Variants in FYB2 observed in about 807,000 individuals in gnomAD.
FYB2 encodes the protein FYN-binding protein 2.
Under a neutral mutation model 94.1 loss-of-function variants are expected in FYB2, and 103 were observed. The ratio of observed to expected loss-of-function variants is 1.09; its 90% CI spans 0.93 to 1.29. The LOEUF (loss-of-function observed/expected upper bound fraction) is 1.29, where lower values mean the gene tolerates loss of function less well. Among genes scored for constraint, FYB2 ranks in the 50% most tolerant of loss-of-function variants. The pLI, the probability that FYB2 is intolerant of heterozygous loss-of-function variation, is 0.00. For synonymous variants in FYB2, 293 were observed against 287.9 expected (o/e 1.02, Z -0.18); for missense variants, 896 against 841.5 (o/e 1.06, Z -0.80).
intron 2 of FYB2, among the ~76,000 whole-genome samples, chr1:56,789,975 T>C (rs2100958750): frequency 6.6e-6 from 1 of 152,340 alleles, no homozygotes; most frequent in Non-Finnish European, 1.5e-5. Context: ...ACCTGTGTCC[T>C]GGAATTTTCC....
chr1:56,776,662 G>A (rs1433056742), intron 4 of FYB2, among the ~76,000 whole-genome samples: 1 of 152,074 alleles, frequency 6.6e-6, no homozygotes, highest in Non-Finnish European at 1.5e-5. Context: ...ACTAACATCT[G>A]ACCCCATTTA....
chr1:56,820,450 G>A (rs551689826), upstream of FYB2, among the ~76,000 whole-genome samples: 4 of 152,326 alleles, frequency 2.6e-5, no homozygotes, highest in East Asian at 3.9e-4. Flanking sequence ...CAGCTCTCCC[G>A]GGGTTGGGGA....
intron 15 of FYB2, among the ~76,000 whole-genome samples, chr1:56,729,049 A>G (rs1644645891): frequency 6.6e-6 from 1 of 152,134 alleles, no homozygotes; most frequent in South Asian, 2.1e-4. Flanking sequence ...ACACAGGAAT[A>G]GTGGGTAAGC....
intron 4 of FYB2, among the ~76,000 whole-genome samples, chr1:56,778,725 C>T (rs141746887): frequency 1.3e-3 from 199 of 152,152 alleles, no homozygotes; most frequent in Non-Finnish European, 2.6e-3. Context: ...TATGAAATAG[C>T]GTCTTGGGTG....
chr1:56,817,353 T>C (rs1570270712), intron 1 of FYB2, among the ~76,000 whole-genome samples: 1 of 152,340 alleles, frequency 6.6e-6, no homozygotes. Flanking sequence ...TCCTATACCT[T>C]TTCCAAGTTT....
At chr1:56,808,116 A>G (rs367831697) in intron 1 of FYB2, among the ~76,000 whole-genome samples, 4 of 152,280 alleles carry the variant, frequency 2.6e-5, no homozygotes, top group Admixed American at 6.5e-5. Flanking sequence ...ACACTGGGTT[A>G]GGCCCTTTTC....
intron 4 of FYB2, among the ~76,000 whole-genome samples, chr1:56,768,439 C>G (rs1386880562): frequency 6.6e-6 from 1 of 152,196 alleles, no homozygotes; most frequent in Non-Finnish European, 1.5e-5. Flanking sequence ...TCCGTCCACT[C>G]TCCCAGGGAA....
chr1:56,808,039 G>T (rs1247138210), intron 1 of FYB2, among the ~76,000 whole-genome samples: 1 of 152,064 alleles, frequency 6.6e-6, no homozygotes, highest in African/African-American at 2.4e-5. Flanking sequence ...TTGCATTGTT[G>T]TCAAGAGGTA....
intron 1 of FYB2, among the ~76,000 whole-genome samples, chr1:56,808,596 G>A (rs967062704): frequency 1.3e-5 from 2 of 152,170 alleles, no homozygotes; most frequent in African/African-American, 4.8e-5. Flanking sequence ...CACCTTGGGA[G>A]GTTGCCAGCT....
In FYB2 at chr1:56,758,699, G is replaced by T. The variant is rs1409914797; in HGVS notation, c.1098+17C>A. On this transcript the variant is annotated intron_variant, in intron 6 of 19. Coordinates refer to ENST00000343433, the MANE Select transcript of FYB2 (RefSeq NM_001004303.5). Reference sequence around the variant, plus strand: ...TATTTTACTTTTAGTTACAATGTTGGTAAGGAGAAACAATACCTTTTGGAG... The same window carrying T: ...TATTTTACTTTTAGTTACAATGTTGTTAAGGAGAAACAATACCTTTTGGAG... 25 of 1,573,548 alleles carry T rather than the reference G, an allele frequency of 1.6e-5. No individual in the cohort carries two copies. Among genetic ancestry groups the T allele is most frequent in the Non-Finnish European group, 2.2e-5 (25 of 1,153,730 alleles).
intron 5 of FYB2, among the ~76,000 whole-genome samples, chr1:56,763,117 G>C (rs1241193021): frequency 1.3e-5 from 2 of 152,120 alleles, no homozygotes; most frequent in African/African-American, 4.8e-5. Context: ...AATCACACTT[G>C]ATCATAAAGA....
chr1:56,777,614 A>G (rs1038160329), intron 4 of FYB2, among the ~76,000 whole-genome samples: 2 of 152,160 alleles, frequency 1.3e-5, no homozygotes, highest in Admixed American at 1.3e-4. Flanking sequence ...TCTATTCTTC[A>G]GCCAACATTT....
chr1:56,741,285 C>A (rs1356677862), intron 12 of FYB2, among the ~76,000 whole-genome samples: 1 of 152,096 alleles, frequency 6.6e-6, no homozygotes, highest in Non-Finnish European at 1.5e-5. Flanking sequence ...AGACAAACTA[C>A]TGCAAGTAAT....
chr1:56,725,138 G>C (rs1194397524), intron 16 of FYB2, among the ~76,000 whole-genome samples: 1 of 152,044 alleles, frequency 6.6e-6, no homozygotes, highest in African/African-American at 2.4e-5. Flanking sequence ...TTCTTGTACA[G>C]TCTACAGAAC....
chr1:56,743,165 TCTC>T (rs1370091150), intron 11 of FYB2, among the ~76,000 whole-genome samples: 1 of 151,986 alleles, frequency 6.6e-6, no homozygotes, highest in African/African-American at 2.4e-5. Flanking sequence ...TGAAGGTACT[TCTC>T]CTAATTGAAA....
rs999140519 is a variant in FYB2 at position 56,787,326 on chromosome 1, G to A, written c.920-118C>T. The A allele has an allele frequency of 1.1e-5, 14 of 1,256,732 alleles. No individual in the cohort carries two copies. The Middle Eastern group carries it at 6.0e-4, about 54-fold the overall frequency. 77.8% of individuals were successfully genotyped at this position (1,256,732 alleles called of 1,614,324 possible). Reference sequence around the variant, plus strand: ...ATGTGGAGAGTGGAAGCTTGCCTGTGCCTGAAACATCCCTTACCTCCACCC... The same window carrying A: ...ATGTGGAGAGTGGAAGCTTGCCTGTACCTGAAACATCCCTTACCTCCACCC... On this transcript the variant is annotated intron_variant, in intron 3 of 19. Transcript: ENST00000343433.
At chr1:56,749,726 C>A (rs1645150906) in intron 9 of FYB2, among the ~76,000 whole-genome samples, 1 of 151,834 alleles carries the variant, frequency 6.6e-6, no homozygotes, top group Admixed American at 6.6e-5. Flanking sequence ...TTTTGACTAT[C>A]AATTGTTAAC....
Position 56,744,246 on chromosome 1 carries a change from C to T in FYB2, c.1408G>A (p.Glu470Lys). ...QGHCGHLEVL[E>K]STKETPDLGV... ...AGGTCTGGAGTTTCTTTAGTTGACT[C>T]CAAAACCTCCAGATGCCCACCTGAA... The change falls in exon 10 of 20, where the codon GAG (glutamate) becomes AAG (lysine). Residue 470 changes from glutamate to lysine, a missense_variant. Coordinates refer to ENST00000343433, the MANE Select transcript of FYB2 (RefSeq NM_001004303.5). 1 of 1,611,634 alleles carries T rather than the reference C, an allele frequency of 6.2e-7. No homozygotes were observed. The highest frequency in any genetic ancestry group is 1.1e-5 in the South Asian group (1 of 90,952).
intron 4 of FYB2, among the ~76,000 whole-genome samples, chr1:56,777,239 C>CAAAAAAAAAAA (rs1453236717): frequency 0.011 from 54 of 4,806 alleles, 10 homozygotes; most frequent in Admixed American, 0.015. Flanking sequence ...GTCTCAAAAA[C>CAAAAAAAAAAA]AAAAAAAAAA....
Sources: allele counts gnomAD v4.1 joint callset (sites outside exome capture counted in the v4.1 genomes callset), GRCh38; gene constraint gnomAD v4.1.1; transcripts MANE v1.5; gene names NCBI Gene and HGNC (gene_info 2026-07-23, HGNC 2026-07-21).